TACC1: variants seen among roughly 807,000 people sequenced by gnomAD.
TACC1 encodes the protein transforming acidic coiled-coil containing protein 1, also known as transforming acidic coiled-coil-containing protein 1.
A neutral mutation model predicts 84.4 loss-of-function variants in TACC1; 48 were observed. That is an observed-to-expected ratio of 0.57 (90% CI 0.45 to 0.72). The LOEUF (loss-of-function observed/expected upper bound fraction) is 0.72, where lower values mean the gene tolerates loss of function less well. Ranked by LOEUF, TACC1 falls within the 30% of genes least tolerant of loss-of-function variation. TACC1 has a pLI of 0.00. For synonymous variants in TACC1, 372 were observed against 376.3 expected (o/e 0.99, Z 0.13); for missense variants, 920 against 973.0 (o/e 0.95, Z 0.72).
At chr8:38,834,913 T>C (rs1183970889) in intron 6 of TACC1, among the ~76,000 whole-genome samples, 3 of 152,208 alleles carry the variant, frequency 2.0e-5, no homozygotes, top group African/African-American at 7.2e-5. Flanking sequence ...CAGGTCACTT[T>C]GGCATTTTGG....
intron 2 of TACC1, among the ~76,000 whole-genome samples, chr8:38,744,371 C>T (rs1377178599): frequency 6.6e-6 from 1 of 152,172 alleles, no homozygotes; most frequent in African/African-American, 2.4e-5. Context: ...CCGTCTCAGC[C>T]TCCCAAAGTG....
chr8:38,749,741 A>G (rs1219835661), intron 3 of TACC1, among the ~76,000 whole-genome samples: 1 of 151,998 alleles, frequency 6.6e-6, no homozygotes, highest in African/African-American at 2.4e-5. Context: ...ACAGGCACGC[A>G]CAACCACGCC....
chr8:38,738,994 G>A (rs1221657149), intron 1 of TACC1, among the ~76,000 whole-genome samples: 1 of 152,148 alleles, frequency 6.6e-6, no homozygotes, highest in Non-Finnish European at 1.5e-5. Context: ...AGGTTCAAGC[G>A]ATTCTCCTGC....
At chr8:38,809,541 A>G (rs979278597) in intron 2 of TACC1, among the ~76,000 whole-genome samples, 10 of 152,072 alleles carry the variant, frequency 6.6e-5, no homozygotes, top group African/African-American at 2.2e-4. Flanking sequence ...GCTGGTGGAG[A>G]TGATGGAGAG....
chr8:38,737,685 T>C (rs1415439191), intron 1 of TACC1, among the ~76,000 whole-genome samples: 1 of 151,796 alleles, frequency 6.6e-6, no homozygotes, highest in Admixed American at 6.6e-5. Flanking sequence ...ACAGTCCCTC[T>C]GTCCAGATCC....
chr8:38,828,835 T>G (rs1828674448), intron 5 of TACC1, among the ~76,000 whole-genome samples: 1 of 152,226 alleles, frequency 6.6e-6, no homozygotes, highest in Admixed American at 6.5e-5. Context: ...CATTTGACTC[T>G]AAGCAGTCTG....
chr8:38,731,497 AAT>A (rs1419167167), intron 1 of TACC1, among the ~76,000 whole-genome samples: 2 of 152,216 alleles, frequency 1.3e-5, no homozygotes, highest in Non-Finnish European at 2.9e-5. Flanking sequence ...ACACTCAATA[AAT>A]ATGTTATGTG....
intron 1 of TACC1, 114 bp from the exon 2 acceptor site, chr8:38,788,590 G>C: frequency 3.8e-6 from 3 of 789,758 alleles, no homozygotes; most frequent in Middle Eastern, 2.5e-4. Context: ...AGGACCGGTT[G>C]GTTGTGAAGT....
chr8:38,840,467 C>G (rs75448646), intron 9 of TACC1, 200 bp downstream of exon 9: 1 of 451,674 alleles, frequency 2.2e-6, no homozygotes, highest in East Asian at 3.7e-5. Context: ...GGCTGGCTAG[C>G]TCTCTGGGGT....
intron 2 of TACC1, among the ~76,000 whole-genome samples, chr8:38,743,821 A>G (rs1452727629): frequency 6.6e-6 from 1 of 152,122 alleles, no homozygotes; most frequent in Admixed American, 6.5e-5. Flanking sequence ...CAGGAGTTGG[A>G]GGTTGCAGTG....
At chr8:38,821,950 G>T (rs1826908588) in intron 3 of TACC1, among the ~76,000 whole-genome samples, 2 of 152,240 alleles carry the variant, frequency 1.3e-5, no homozygotes, top group Non-Finnish European at 2.9e-5. Context: ...GCTAGGTGTG[G>T]TGGCTTACAC....
Position 38,737,142 on chromosome 8 carries a change from G to A in TACC1, c.-674-5209G>A, listed in dbSNP as rs1004791890. Among the ~76,000 whole-genome samples, 8 of 152,100 alleles carry A rather than the reference G, an allele frequency of 5.3e-5. No individual in the cohort carries two copies. The East Asian group carries it at 9.6e-4, about 18-fold the overall frequency. On this transcript the variant is annotated intron_variant, in intron 1 of 14. Transcript: ENST00000518415. ...TGATGTGGGAATTTCCTTATCCGCC[G>A]CTGGTCAGTGACAAGGCCCGGACTA... is the stretch of plus-strand genomic sequence containing the variant.
chr8:38,809,261 T>A (rs1823498942), intron 2 of TACC1, among the ~76,000 whole-genome samples: 2 of 152,104 alleles, frequency 1.3e-5, no homozygotes, highest in South Asian at 2.1e-4. Context: ...GAGAGGAGCA[T>A]GTGGGGGTGA....
chr8:38,821,304 G>T (rs909579006), intron 3 of TACC1, among the ~76,000 whole-genome samples: 1 of 152,074 alleles, frequency 6.6e-6, no homozygotes, highest in Non-Finnish European at 1.5e-5. Flanking sequence ...CAATTCAAAT[G>T]TCACTGCTGG....
intron 7 of TACC1, 35 bp from the exon 8 acceptor site, chr8:38,838,435 T>G: frequency 6.6e-7 from 1 of 1,513,512 alleles, no homozygotes. Flanking sequence ...CAAATTGTAA[T>G]AGATTGGGTA....
At chr8:38,764,937 A>G (rs954658761) in intron 3 of TACC1, among the ~76,000 whole-genome samples, 2 of 152,122 alleles carry the variant, frequency 1.3e-5, no homozygotes, top group Non-Finnish European at 2.9e-5. Flanking sequence ...TGTCTGTACT[A>G]AAAATACAAA....
At chr8:38,838,052 T>C (rs1398931158) in intron 7 of TACC1, among the ~76,000 whole-genome samples, 1 of 152,270 alleles carries the variant, frequency 6.6e-6, no homozygotes, top group Non-Finnish European at 1.5e-5. Context: ...TCCAGTGGTC[T>C]GACTTTGTGG....
chr8:38,787,768 G>C, intron 1 of TACC1, 25 bp downstream of exon 1: 1 of 1,496,162 alleles, frequency 6.7e-7, no homozygotes, highest in Non-Finnish European at 8.8e-7. Context: ...TCCCCGCTGA[G>C]ATGCAGACGC....
intron 3 of TACC1, among the ~76,000 whole-genome samples, chr8:38,750,885 C>T (rs1039256703): frequency 6.6e-6 from 1 of 152,040 alleles, no homozygotes; most frequent in Non-Finnish European, 1.5e-5. Context: ...AAATTCAATG[C>T]AATTCCCACG....
Sources: gnomAD v4.1 joint callset for allele counts (sites outside exome capture counted in the v4.1 genomes callset) on GRCh38, gnomAD v4.1.1 for gene constraint, MANE v1.5 for transcripts, NCBI Gene and HGNC (gene_info 2026-07-23, HGNC 2026-07-21) for gene names.